The following TPTE variants were observed in gnomAD, a reference collection of about 807,000 sequenced individuals.
The protein encoded by TPTE is transmembrane phosphatase with tensin homology, also known as putative tyrosine-protein phosphatase TPTE.
A neutral mutation model predicts 84.1 loss-of-function variants in TPTE; 59 were observed. That is an observed-to-expected ratio of 0.70 (90% confidence interval 0.57 to 0.87). The LOEUF is 0.87. TPTE is among the 40% of genes least tolerant of loss of function. The pLI is 0.00. For synonymous variants in TPTE, 130 were observed against 223.5 expected, an observed-to-expected ratio of 0.58 and a Z score of 3.73; for missense variants, 382 against 659.6, an observed-to-expected ratio of 0.58 and a Z score of 4.61.
chr21:10,594,378 G>C (rs1423357741), intron 19 of TPTE, among the ~76,000 whole-genome samples: 2 of 152,312 alleles, frequency 1.3e-5, no homozygotes, highest in Admixed American at 6.5e-5. Flanking sequence ...ATTTGAAGTG[G>C]TGACTTCTGT....
intron 7 of TPTE, among the ~76,000 whole-genome samples, chr21:10,543,972 C>T (rs1324888173): frequency 6.6e-6 from 1 of 152,306 alleles, no homozygotes; most frequent in Admixed American, 6.5e-5. Context: ...AAACCCACCA[C>T]CTCATTGGAT....
intron 3 of TPTE, among the ~76,000 whole-genome samples, chr21:10,533,695 G>C (rs1407957321): frequency 2.0e-5 from 3 of 152,306 alleles, no homozygotes; most frequent in Non-Finnish European, 4.4e-5. Flanking sequence ...CTGTGTCATT[G>C]TCAGTAAGTT....
intron 3 of TPTE, among the ~76,000 whole-genome samples, chr21:10,534,296 A>G (rs2145595647): frequency 6.6e-6 from 1 of 152,430 alleles, no homozygotes; most frequent in South Asian, 2.1e-4. Flanking sequence ...AGGCCCAAGG[A>G]TGGCTCTTCA....
chr21:10,545,899 A>AAT (rs1363638841), intron 7 of TPTE, among the ~76,000 whole-genome samples: 447 of 151,730 alleles, frequency 2.9e-3, no homozygotes, highest in African/African-American at 0.01. Flanking sequence ...TATATCCTTT[A>AAT]ATATATATAT....
At chr21:10,546,063 T>C (rs566895119) in intron 7 of TPTE, among the ~76,000 whole-genome samples, 60 of 152,400 alleles carry the variant, frequency 3.9e-4, no homozygotes, top group Non-Finnish European at 7.5e-4. Context: ...CCCTCAGATA[T>C]TACTTTTTTG....
At chr21:10,576,191 G>A (rs1828004) in intron 14 of TPTE, 1,591 of 161,630 alleles carry the variant, frequency 9.8e-3, no homozygotes, top group African/African-American at 0.038. Context: ...AATGCCAGTC[G>A]ATGATAGATT....
At position 10,567,759 on chromosome 21, in the gene TPTE, T is replaced by C; in HGVS notation, c.536T>C (p.Phe179Ser). ...LLLVDVVYIF[F>S]DIKLLRNIPR... ...CTGGTTGATGTCGTTTACATTTTTTTTGACATTAAGTTGCTTAGGAATATT... is the reference window on the plus strand; with the variant it reads ...CTGGTTGATGTCGTTTACATTTTTTCTGACATTAAGTTGCTTAGGAATATT... Residue 179 changes from phenylalanine to serine, a missense_variant, in exon 11 of 24, where the codon TTT becomes TCT. Transcript: ENST00000618007. The C allele has an allele frequency of 6.2e-7, 1 of 1,613,580 alleles. No homozygotes were observed. The highest frequency in any genetic ancestry group is 1.7e-4 in the Middle Eastern group (1 of 6,048).
In TPTE at chr21:10,605,470, G is replaced by T. The variant is rs376317057; in HGVS notation, c.1574G>T (p.Arg525Ile). ...LDNLHKQKAR[R>I]IYPSDFAVEI... ...AATCTACATAAACAAAAAGCACGGAGAATTTATCCATCAGATTTTGCCGTG... is the reference window on the plus strand; with the variant it reads ...AATCTACATAAACAAAAAGCACGGATAATTTATCCATCAGATTTTGCCGTG... The change falls in exon 24 of 24, where the codon AGA (arginine) becomes ATA (isoleucine). Residue 525 changes from arginine (R) to isoleucine (I), a missense_variant. Physicochemically the swap from Arg to Ile is moderately conservative, Grantham distance 97. Around this residue, in one of 10 missense-constraint regions of TPTE, gnomAD observed 120 missense variants for 79.1 expected, o/e 1.52. Coordinates refer to ENST00000618007, the MANE Select transcript of TPTE (RefSeq NM_199261.4). 2.7e-5 allele frequency: 43 copies of T among 1,613,982 alleles called. No individual in the cohort carries two copies. The highest frequency in any genetic ancestry group is 1.7e-4 in the Admixed American group (10 of 59,968).
At chr21:10,522,063 C>A (rs1479534577) in intron 1 of TPTE, among the ~76,000 whole-genome samples, 1 of 151,908 alleles carries the variant, frequency 6.6e-6, no homozygotes, top group Admixed American at 6.6e-5. Flanking sequence ...GGCGCGCCCC[C>A]CGCCCGCGCC....
At chr21:10,538,513 A>G (rs2074308594) in intron 3 of TPTE, among the ~76,000 whole-genome samples, 168 bp from the exon 4 acceptor site, 1 of 152,302 alleles carries the variant, frequency 6.6e-6, no homozygotes, top group Admixed American at 6.5e-5. Flanking sequence ...CATCATATAA[A>G]TCCTCCTTTT....
At position 10,602,064 on chromosome 21, in the gene TPTE, G is replaced by C; in HGVS notation, c.1363G>C (p.Asp455His). 3 of 1,612,570 alleles carry C rather than the reference G, an allele frequency of 1.9e-6. No homozygotes were observed. The highest frequency in any genetic ancestry group is 1.7e-6 in the Non-Finnish European group (2 of 1,178,548). ...TCCATGTGTTCATTCATAGGTACTT[G>C]ATAACATTACAACAGACAAAATATT... The part of the protein sequence containing the change: ...TISLGKCSVL[D>H]NITTDKILID... The change falls in exon 22 of 24, where the codon GAT becomes CAT. Residue 455 changes from aspartate to histidine, a missense_variant. Physicochemically the swap from Asp to His is moderately conservative, Grantham distance 81. Around this residue, in one of 10 missense-constraint regions of TPTE, gnomAD observed 13 missense variants for 46.7 expected, o/e 0.28. Transcript: ENST00000618007.
At chr21:10,572,549 C>A (rs2075067039) in intron 14 of TPTE, among the ~76,000 whole-genome samples, 2 of 152,282 alleles carry the variant, frequency 1.3e-5, no homozygotes, top group Admixed American at 6.5e-5. Flanking sequence ...AGTAGATTTC[C>A]CAGTGGAAAC....
At chr21:10,527,738 C>A (rs1299641012) in intron 3 of TPTE, among the ~76,000 whole-genome samples, 1 of 152,306 alleles carries the variant, frequency 6.6e-6, no homozygotes, top group Non-Finnish European at 1.5e-5. Context: ...AAGAAAGGAG[C>A]TAAGAGACCC....
At chr21:10,565,151 A>G (rs2074895609) in intron 10 of TPTE, among the ~76,000 whole-genome samples, 1 of 152,310 alleles carries the variant, frequency 6.6e-6, no homozygotes, top group Non-Finnish European at 1.5e-5. Flanking sequence ...TGATAAATTC[A>G]GTAAAGTTGC....
At chr21:10,531,959 C>T (rs2074185828) in intron 3 of TPTE, among the ~76,000 whole-genome samples, 2 of 152,310 alleles carry the variant, frequency 1.3e-5, no homozygotes, top group African/African-American at 2.4e-5. Context: ...TTGTCAATGA[C>T]ATATATCCAC....
chr21:10,583,117 TTCTG>T (rs1273685963), intron 17 of TPTE, among the ~76,000 whole-genome samples: 5 of 152,298 alleles, frequency 3.3e-5, no homozygotes, highest in African/African-American at 1.2e-4. Context: ...AATAAAATTG[TTCTG>T]TCTTAGGGTA....
intron 18 of TPTE, 144 bp downstream of exon 18, chr21:10,590,667 T>G: frequency 3.6e-6 from 5 of 1,383,236 alleles, no homozygotes; most frequent in Non-Finnish European, 4.9e-6. Context: ...AGAAAGTCTG[T>G]TTTTGATACT....
chr21:10,533,145 T>G (rs1386653941), intron 3 of TPTE, among the ~76,000 whole-genome samples: 40 of 152,296 alleles, frequency 2.6e-4, no homozygotes, highest in Admixed American at 7.8e-4. Flanking sequence ...TTCTCTTTAT[T>G]CTTTTCTACT....
At chr21:10,523,190 A>C (rs1386116358) in intron 1 of TPTE, among the ~76,000 whole-genome samples, 3 of 152,308 alleles carry the variant, frequency 2.0e-5, no homozygotes, top group Non-Finnish European at 4.4e-5. Flanking sequence ...AACTAGAGAG[A>C]TAGTCTCTGC....
Sources: allele counts gnomAD v4.1 joint callset (sites outside exome capture counted in the v4.1 genomes callset), GRCh38; gene constraint gnomAD v4.1.1; regional missense constraint gnomAD v4.1.1; transcripts MANE v1.5; gene names NCBI Gene and HGNC (gene_info 2026-07-23, HGNC 2026-07-21).